SOX6: variants seen among roughly 807,000 people sequenced by gnomAD.
SOX6 encodes SRY-box transcription factor 6.
Under a neutral mutation model 97.8 loss-of-function variants are expected in SOX6, and 11 were observed. The observed-to-expected ratio is 0.11, with a 90% CI of 0.07 to 0.19. SOX6 has a LOEUF of 0.19. SOX6 is among the 10% of genes least tolerant of loss of function. SOX6 has a pLI of 1.00. For missense variants in SOX6, 810 were observed against 1,039.5 expected (o/e 0.78, Z 3.04); for synonymous variants, 360 against 371.4 (o/e 0.97, Z 0.35).
chr11:16,529,411 A>C (rs1034179046), intron 4 of SOX6, among the ~76,000 whole-genome samples: 3 of 152,116 alleles, frequency 2.0e-5, no homozygotes, highest in Non-Finnish European at 4.4e-5. Context: ...TTGTTTGGCT[A>C]TATTGGAAGA....
intron 3 of SOX6, among the ~76,000 whole-genome samples, chr11:16,278,031 A>G (rs943734176): frequency 1.3e-5 from 2 of 152,158 alleles, no homozygotes; most frequent in Admixed American, 6.5e-5. Context: ...GTCACAGCCT[A>G]TATATATATT....
At chr11:16,166,132 C>G (rs1331986826) in intron 6 of SOX6, among the ~76,000 whole-genome samples, 1 of 151,840 alleles carries the variant, frequency 6.6e-6, no homozygotes, top group African/African-American at 2.4e-5. Flanking sequence ...TAATTAAGAT[C>G]AGAGTCAACC....
intron 6 of SOX6, among the ~76,000 whole-genome samples, chr11:16,143,604 C>T (rs1850208593): frequency 6.6e-6 from 1 of 152,044 alleles, no homozygotes; most frequent in African/African-American, 2.4e-5. Context: ...ATTCAGGAGA[C>T]CCATTTCACG....
chr11:15,975,813 G>C (rs1384163163), intron 15 of SOX6, among the ~76,000 whole-genome samples: 1 of 147,756 alleles, frequency 6.8e-6, no homozygotes, highest in East Asian at 1.9e-4. Flanking sequence ...GGGTGAGAAA[G>C]GCAAGCTCAC....
At chr11:16,097,447 T>C (rs1848828545) in intron 8 of SOX6, among the ~76,000 whole-genome samples, 162 bp downstream of exon 8, 1 of 151,884 alleles carries the variant, frequency 6.6e-6, no homozygotes, top group South Asian at 2.1e-4. Context: ...CTGGCAGTTT[T>C]CTCTTCTATT....
intron 13 of SOX6, among the ~76,000 whole-genome samples, chr11:16,000,762 G>C (rs1236092645): frequency 2.6e-5 from 4 of 152,164 alleles, no homozygotes; most frequent in Non-Finnish European, 5.9e-5. Context: ...GTGAGAGACA[G>C]AGACATGAAT....
intron 3 of SOX6, among the ~76,000 whole-genome samples, chr11:16,686,720 G>A (rs979028889): frequency 2.6e-5 from 4 of 152,180 alleles, no homozygotes; most frequent in Non-Finnish European, 4.4e-5. Flanking sequence ...AAATTCCAGA[G>A]TTGCTTCCAC....
At chr11:16,606,874 A>G (rs1178530878) in intron 4 of SOX6, among the ~76,000 whole-genome samples, 1 of 151,944 alleles carries the variant, frequency 6.6e-6, no homozygotes, top group African/African-American at 2.4e-5. Flanking sequence ...CAGATCTGTC[A>G]CTCCGGAACA....
intron 4 of SOX6, among the ~76,000 whole-genome samples, chr11:16,570,717 A>T (rs1589990125): frequency 6.6e-6 from 1 of 152,208 alleles, no homozygotes; most frequent in Non-Finnish European, 1.5e-5. Context: ...TATGAAAAAG[A>T]TCAACATTCT....
chr11:16,643,948 A>G (rs1475704259), intron 3 of SOX6, among the ~76,000 whole-genome samples: 1 of 152,200 alleles, frequency 6.6e-6, no homozygotes, highest in Non-Finnish European at 1.5e-5. Flanking sequence ...CCCCAGTGAG[A>G]TGAACCCAGT....
At chr11:16,626,977 C>A (rs949990032) in intron 3 of SOX6, among the ~76,000 whole-genome samples, 1 of 152,148 alleles carries the variant, frequency 6.6e-6, no homozygotes, top group Non-Finnish European at 1.5e-5. Flanking sequence ...CACCTCCCTC[C>A]CGTCTCACAT....
chr11:16,686,854 T>C (rs1047315050), intron 3 of SOX6, among the ~76,000 whole-genome samples: 10 of 152,098 alleles, frequency 6.6e-5, no homozygotes, highest in Admixed American at 5.9e-4. Context: ...TCTCAACTAC[T>C]CAGGAGGCTG....
chr11:16,433,719 G>C (rs1380082523), intron 1 of SOX6, among the ~76,000 whole-genome samples: 1 of 152,054 alleles, frequency 6.6e-6, no homozygotes, highest in Non-Finnish European at 1.5e-5. Context: ...AATTAATGCT[G>C]ACTATTCCCT....
At chr11:16,427,847 T>G (rs974129377) in intron 1 of SOX6, among the ~76,000 whole-genome samples, 2 of 152,212 alleles carry the variant, frequency 1.3e-5, no homozygotes, top group Non-Finnish European at 2.9e-5. Context: ...ATATACCCAG[T>G]AATGGGATGG....
chr11:16,114,368 TA>T (rs1282604830), intron 6 of SOX6, among the ~76,000 whole-genome samples: 1 of 152,182 alleles, frequency 6.6e-6, no homozygotes, highest in African/African-American at 2.4e-5. Flanking sequence ...TTTCTTCATG[TA>T]AAAACTGAAG....
At chr11:16,320,428 C>A (rs1855882847) in intron 2 of SOX6, among the ~76,000 whole-genome samples, 1 of 152,102 alleles carries the variant, frequency 6.6e-6, no homozygotes, top group African/African-American at 2.4e-5. Flanking sequence ...TTGTACTCAA[C>A]AAATGCTAGG....
chr11:16,641,681 G>C (rs1848916695), intron 3 of SOX6, among the ~76,000 whole-genome samples: 1 of 152,034 alleles, frequency 6.6e-6, no homozygotes, highest in Non-Finnish European at 1.5e-5. Context: ...TGTCTCTTTT[G>C]ATCTTTGTTG....
At position 15,980,775 on chromosome 11, in the gene SOX6, A is replaced by G. The variant is rs568557311; in HGVS notation, c.2183+5429T>C. ...GTCCCATGCTTGGCCATAATGCATA[A>G]TAATCTCTCTTCCTCTGAGCTTTAT... is the stretch of plus-strand genomic sequence containing the variant. On this transcript the variant is annotated intron_variant, in intron 15 of 15. Coordinates refer to ENST00000683767, the MANE Select transcript of SOX6 (RefSeq NM_001367873.1). 7.2e-5 allele frequency among the ~76,000 whole-genome samples: 11 copies of G among 152,208 alleles called. No homozygotes were observed. The South Asian group carries it at 2.1e-3, about 29-fold the overall frequency.
In SOX6 at chr11:16,244,182, T is replaced by C. The variant is rs1853271631; in HGVS notation, c.446-9511A>G. ...GTTTCATATCCTCAACAATATGTCT[T>C]AGTGTTAGCACTTTAATTTTGTCAC... On this transcript the variant is annotated intron_variant, in intron 3 of 15. Coordinates refer to ENST00000683767, the MANE Select transcript of SOX6 (RefSeq NM_001367873.1). 5.9e-5 allele frequency among the ~76,000 whole-genome samples: 9 copies of C among 151,990 alleles called. 1 individual carries two copies. In the South Asian group the frequency reaches 1.9e-3, roughly 31 times the overall value.
Sources: gnomAD v4.1 joint callset for allele counts (sites outside exome capture counted in the v4.1 genomes callset) on GRCh38, gnomAD v4.1.1 for gene constraint, MANE v1.5 for transcripts, NCBI Gene and HGNC (gene_info 2026-07-23, HGNC 2026-07-21) for gene names.